Variants in MYBL2 observed in about 807,000 individuals in gnomAD.
MYBL2 encodes myb-related protein B.
In MYBL2, 28 loss-of-function variants were observed where a neutral mutation model predicts 79.9. That is an observed-to-expected ratio of 0.35 (90% CI 0.26 to 0.48). The LOEUF (loss-of-function observed/expected upper bound fraction) is 0.48. Among genes scored for constraint, MYBL2 ranks in the 20% least tolerant of loss-of-function variants. The pLI, the probability that MYBL2 is intolerant of heterozygous loss-of-function variation, is 0.99. For missense variants in MYBL2, 735 were observed against 893.9 expected, an observed-to-expected ratio of 0.82 and a Z score of 2.27; for synonymous variants, 378 against 361.2, an observed-to-expected ratio of 1.05 and a Z score of -0.53.
intron 1 of MYBL2, among the ~76,000 whole-genome samples, chr20:43,670,969 C>CTTT (rs1173103459): frequency 4.5e-5 from 1 of 22,202 alleles, no homozygotes; most frequent in Admixed American, 6.4e-4. Context: ...TCTTTTTTTT[C>CTTT]TTTTTTTTTT....
chr20:43,676,462 C>G (rs770881681), intron 2 of MYBL2, among the ~76,000 whole-genome samples: 1 of 152,182 alleles, frequency 6.6e-6, no homozygotes, highest in Non-Finnish European at 1.5e-5. Context: ...ACATTCTTTG[C>G]GTCTGGCTTT....
At chr20:43,715,474 T>C (rs1260934135) in intron 13 of MYBL2, among the ~76,000 whole-genome samples, 191 bp downstream of exon 13, 1 of 152,240 alleles carries the variant, frequency 6.6e-6, no homozygotes, top group African/African-American at 2.4e-5. Context: ...ACTCTTCTGA[T>C]TTCAGTCTCA....
At chr20:43,694,445 T>G (rs1219372425) in intron 6 of MYBL2, among the ~76,000 whole-genome samples, 1 of 152,214 alleles carries the variant, frequency 6.6e-6, no homozygotes, top group African/African-American at 2.4e-5. Flanking sequence ...TCCTTTGTTA[T>G]TTTCTAATCT....
chr20:43,715,727 G>A (rs1390305249), intron 13 of MYBL2, among the ~76,000 whole-genome samples: 1 of 152,190 alleles, frequency 6.6e-6, no homozygotes, highest in African/African-American at 2.4e-5. Flanking sequence ...GCTGCACGGG[G>A]CGGGCAGTGC....
intron 3 of MYBL2, 21 bp from the exon 4 acceptor site, chr20:43,682,773 G>C: frequency 1.9e-6 from 3 of 1,612,884 alleles, no homozygotes; most frequent in Non-Finnish European, 2.5e-6. Context: ...AGATTGGTTT[G>C]TTCTTCTGTT....
intron 5 of MYBL2, among the ~76,000 whole-genome samples, chr20:43,689,136 T>TA (rs1255901686): frequency 6.6e-6 from 1 of 152,198 alleles, no homozygotes; most frequent in African/African-American, 2.4e-5. Flanking sequence ...TGAAAACTTG[T>TA]AAAAAATCTC....
Position 43,716,297 on chromosome 20 carries a change from T to G in MYBL2, c.*210T>G. Reference sequence around the variant, plus strand: ...GCGGCTCCTGGTGCTAACAACAAAGTTCCACTTCCAGGTCTGCCTGGTTCC... The same window carrying G: ...GCGGCTCCTGGTGCTAACAACAAAGGTCCACTTCCAGGTCTGCCTGGTTCC... On this transcript the variant is annotated 3_prime_UTR_variant, in exon 14 of 14. Coordinates refer to ENST00000217026, the MANE Select transcript of MYBL2 (RefSeq NM_002466.4). 3.0e-6 allele frequency: 2 copies of G among 667,124 alleles called. No homozygotes were observed. Among genetic ancestry groups the G allele is most frequent in the East Asian group, 3.2e-5 (1 of 31,464 alleles). The allele number at this position is 667,124 out of a possible 1,614,324, so 41.3% of individuals were successfully genotyped here.
chr20:43,683,800 C>T (rs954083986), intron 4 of MYBL2, among the ~76,000 whole-genome samples: 3 of 152,002 alleles, frequency 2.0e-5, no homozygotes, highest in South Asian at 2.1e-4. Flanking sequence ...GTGATCTACC[C>T]GCCTCAGCCT....
In MYBL2 at chr20:43,673,743, G is replaced by T; in HGVS notation, c.21-63G>T. Reference sequence around the variant, plus strand: ...AGGGTGGGCTGGCCGCTGCCTACACGTTCTCCATTATGTAAAACATATGGA... The same window carrying T: ...AGGGTGGGCTGGCCGCTGCCTACACTTTCTCCATTATGTAAAACATATGGA... On this transcript the variant is annotated intron_variant, in intron 1 of 13. Transcript: ENST00000217026. The T allele has an allele frequency of 2.0e-6, 3 of 1,523,154 alleles. No homozygotes were observed. In the African/African-American group the frequency reaches 4.1e-5, roughly 21 times the overall value. The allele number at this position is 1,523,154 out of a possible 1,614,324, so 94.4% of individuals were successfully genotyped here.
At chr20:43,707,946 A>T (rs1020985082) in intron 9 of MYBL2, among the ~76,000 whole-genome samples, 2 of 152,084 alleles carry the variant, frequency 1.3e-5, no homozygotes, top group African/African-American at 4.8e-5. Flanking sequence ...ATCTTAAGCC[A>T]TTTCCTTAAT....
chr20:43,696,872 A>G (rs369204400), intron 6 of MYBL2, among the ~76,000 whole-genome samples: 528 of 152,186 alleles, frequency 3.5e-3, no homozygotes, highest in Non-Finnish European at 5.6e-3. Context: ...GATTACAGGC[A>G]TGCAGCACCA....
At chr20:43,715,381 T>C in intron 13 of MYBL2, 98 bp downstream of exon 13, 1 of 1,563,928 alleles carries the variant, frequency 6.4e-7, no homozygotes, top group South Asian at 1.2e-5. Context: ...GTGCCCGCCT[T>C]CTTAGCTCAG....
At chr20:43,701,448 A>G (rs764885972) in intron 7 of MYBL2, among the ~76,000 whole-genome samples, 1 of 152,132 alleles carries the variant, frequency 6.6e-6, no homozygotes, top group Non-Finnish European at 1.5e-5. Flanking sequence ...GAACCCAAAG[A>G]CCAAAGTGGA....
intron 12 of MYBL2, among the ~76,000 whole-genome samples, chr20:43,713,387 TTTTC>T (rs1987956046): frequency 6.6e-6 from 1 of 150,894 alleles, no homozygotes; most frequent in Admixed American, 6.6e-5. Context: ...GTGTCTTTTT[TTTTC>T]TTTTTTTTTT....
At chr20:43,699,235 A>C (rs1987627729) in intron 6 of MYBL2, among the ~76,000 whole-genome samples, 1 of 152,078 alleles carries the variant, frequency 6.6e-6, no homozygotes, top group East Asian at 1.9e-4. Flanking sequence ...TAGTAGAGAC[A>C]GGGTTTCACC....
chr20:43,716,307 AG>A lies in MYBL2; in HGVS notation c.*222del. ...GTGCTAACAACAAAGTTCCACTTCC[AG>A]GTCTGCCTGGTTCCCTCCCCAAGGC... On this transcript the variant is annotated 3_prime_UTR_variant, in exon 14 of 14. Coordinates refer to ENST00000217026, the MANE Select transcript of MYBL2 (RefSeq NM_002466.4). 1.6e-6 allele frequency: 1 copy of A among 634,930 alleles called. No individual in the cohort carries two copies. The highest frequency in any genetic ancestry group is 2.5e-6 in the Non-Finnish European group (1 of 392,398). The allele number at this position is 634,930 out of a possible 1,614,324, so 39.3% of individuals were successfully genotyped here.
At position 43,712,996 on chromosome 20, in the gene MYBL2, C is replaced by T; in HGVS notation, c.1720-6C>T. ...CCCTAACCCCCTTCTATCTGCCAAC[C>T]CCTAGCTGCGGCGGAGCCCCATCAA... On this transcript the variant is annotated splice_region_variant and splice_polypyrimidine_tract_variant and intron_variant, in intron 11 of 13. Transcript: ENST00000217026. The T allele has an allele frequency of 6.2e-7, 1 of 1,605,752 alleles. No individual in the cohort carries two copies. Among genetic ancestry groups the T allele is most frequent in the South Asian group, 1.1e-5 (1 of 89,706 alleles).
intron 6 of MYBL2, among the ~76,000 whole-genome samples, chr20:43,692,796 A>G (rs1253827850): frequency 3.9e-5 from 6 of 152,202 alleles, no homozygotes; most frequent in African/African-American, 9.7e-5. Context: ...AAATTAAAAA[A>G]TGTATTGAGT....
chr20:43,667,852 T>A (rs1453305426), intron 1 of MYBL2, among the ~76,000 whole-genome samples: 2 of 152,068 alleles, frequency 1.3e-5, no homozygotes, highest in Non-Finnish European at 2.9e-5. Context: ...TGGGGGCTCT[T>A]TTGTCTCTCC....
Sources: gnomAD v4.1 joint callset for allele counts (sites outside exome capture counted in the v4.1 genomes callset) on GRCh38, gnomAD v4.1.1 for gene constraint, MANE v1.5 for transcripts, NCBI Gene and HGNC (gene_info 2026-07-23, HGNC 2026-07-21) for gene names.